CREB5: variants seen among roughly 807,000 people sequenced by gnomAD.
The protein encoded by CREB5 is cyclic AMP-responsive element-binding protein 5.
A neutral mutation model predicts 57.1 loss-of-function variants in CREB5; 19 were observed. That is an observed-to-expected ratio of 0.33 (90% CI 0.23 to 0.49). The LOEUF is 0.49. CREB5 is among the 20% of genes least tolerant of loss of function. The probability of loss-of-function intolerance (pLI) is 0.99; values close to 1 mark genes in which losing one functional copy is unlikely to be tolerated. For synonymous variants in CREB5, 238 were observed against 238.3 expected, an observed-to-expected ratio of 1.00 and a Z score of 0.01; for missense variants, 579 against 671.6, an observed-to-expected ratio of 0.86 and a Z score of 1.52.
intron 4 of CREB5, among the ~76,000 whole-genome samples, chr7:28,532,598 T>C (rs1220857963): frequency 6.6e-6 from 1 of 152,094 alleles, no homozygotes; most frequent in East Asian, 1.9e-4. Flanking sequence ...GTTTTCTTTG[T>C]TTGTTTGTTT....
chr7:28,342,433 G>A (rs1476232084), intron 1 of CREB5, among the ~76,000 whole-genome samples: 1 of 152,108 alleles, frequency 6.6e-6, no homozygotes, highest in African/African-American at 2.4e-5. Flanking sequence ...AAAGTGCAAA[G>A]TTTAAATTAC....
chr7:28,307,717 G>T (rs529122447), intron 1 of CREB5, among the ~76,000 whole-genome samples: 1 of 152,320 alleles, frequency 6.6e-6, no homozygotes, highest in South Asian at 2.1e-4. Context: ...ACATGTATTT[G>T]CTGAGCACAA....
chr7:28,408,143 C>T (rs1322966408), upstream of CREB5, among the ~76,000 whole-genome samples: 1 of 152,126 alleles, frequency 6.6e-6, no homozygotes, highest in African/African-American at 2.4e-5. Flanking sequence ...CAGTGCCACC[C>T]CTTGCTCATC....
intron 5 of CREB5, among the ~76,000 whole-genome samples, chr7:28,578,100 T>A (rs1795972598): frequency 1.3e-5 from 2 of 152,224 alleles, no homozygotes; most frequent in South Asian, 4.1e-4. Flanking sequence ...TTGTGGAAGA[T>A]CTGAAACACA....
At chr7:28,487,515 G>A (rs766477078) in intron 1 of CREB5, among the ~76,000 whole-genome samples, 1 of 152,096 alleles carries the variant, frequency 6.6e-6, no homozygotes, top group Non-Finnish European at 1.5e-5. Flanking sequence ...TATGTTTTTG[G>A]CATTTTTGGA....
intron 7 of CREB5, among the ~76,000 whole-genome samples, chr7:28,781,684 G>A (rs1806981005): frequency 1.3e-5 from 2 of 152,046 alleles, no homozygotes; most frequent in Admixed American, 6.5e-5. Context: ...TAAATCAAGA[G>A]GCTGGACAAG....
chr7:28,569,547 C>G (rs1376911873), intron 4 of CREB5, among the ~76,000 whole-genome samples: 1 of 152,128 alleles, frequency 6.6e-6, no homozygotes, highest in African/African-American at 2.4e-5. Flanking sequence ...CTATAAGTGA[C>G]TCAGACATCT....
At chr7:28,552,706 G>C (rs1794721293) in intron 4 of CREB5, among the ~76,000 whole-genome samples, 1 of 152,162 alleles carries the variant, frequency 6.6e-6, no homozygotes, top group Non-Finnish European at 1.5e-5. Flanking sequence ...CTGGCAGAAA[G>C]GAATTTAAAG....
intron 4 of CREB5, among the ~76,000 whole-genome samples, chr7:28,519,145 A>G (rs952157466): frequency 6.6e-6 from 1 of 152,324 alleles, no homozygotes; most frequent in Middle Eastern, 3.4e-3. Flanking sequence ...CCGTTGTGAC[A>G]TTGCTGCCTG....
At chr7:28,509,942 C>T (rs1216791275) in intron 4 of CREB5, among the ~76,000 whole-genome samples, 1 of 152,150 alleles carries the variant, frequency 6.6e-6, no homozygotes, top group Non-Finnish European at 1.5e-5. Context: ...CTTCTTCTTC[C>T]TTTGCCTCAT....
chr7:28,512,985 T>G (rs1431082273), intron 4 of CREB5, among the ~76,000 whole-genome samples: 2 of 152,212 alleles, frequency 1.3e-5, no homozygotes, highest in African/African-American at 4.8e-5. Context: ...CTTAAGATCT[T>G]GGATCCCAGC....
chr7:28,386,909 G>A (rs1455892419), intron 1 of CREB5, among the ~76,000 whole-genome samples: 3 of 152,052 alleles, frequency 2.0e-5, no homozygotes, highest in Admixed American at 2.0e-4. Context: ...AGATGATCTT[G>A]TTTCTTTTTA....
Position 28,563,913 on chromosome 7 carries a change from A to C in CREB5, c.292-6452A>C, listed in dbSNP as rs1433338046. 3.9e-5 allele frequency among the ~76,000 whole-genome samples: 6 copies of C among 152,044 alleles called. No homozygotes were observed. In the East Asian group the frequency reaches 1.2e-3, roughly 29 times the overall value. On this transcript the variant is annotated intron_variant, in intron 4 of 10. Coordinates refer to ENST00000357727, the MANE Select transcript of CREB5 (RefSeq NM_182898.4). ...CCTCCTCTACTCCATGTGTCCTCTG[A>C]TACCTCACTACCCCCTTGGTCATGG... is the stretch of plus-strand genomic sequence containing the variant.
intron 5 of CREB5, among the ~76,000 whole-genome samples, chr7:28,654,193 C>A (rs1427370177): frequency 6.6e-6 from 1 of 152,164 alleles, no homozygotes; most frequent in African/African-American, 2.4e-5. Flanking sequence ...TACTATAGCA[C>A]ATACTCCCTC....
intron 5 of CREB5, among the ~76,000 whole-genome samples, chr7:28,688,825 G>T (rs771097297): frequency 2.1e-4 from 32 of 152,168 alleles, no homozygotes; most frequent in Non-Finnish European, 3.8e-4. Context: ...CCAAGTGTAT[G>T]CTTGGGACTC....
intron 4 of CREB5, among the ~76,000 whole-genome samples, chr7:28,511,549 A>G (rs1792700985): frequency 6.6e-6 from 1 of 152,172 alleles, no homozygotes. Flanking sequence ...CAGTGGTGCA[A>G]TCTCAGCTCA....
intron 1 of CREB5, among the ~76,000 whole-genome samples, chr7:28,417,977 C>A (rs1406615161): frequency 6.6e-6 from 1 of 152,132 alleles, no homozygotes; most frequent in East Asian, 1.9e-4. Flanking sequence ...TTACATGTAA[C>A]CTCGTAGAAA....
At chr7:28,721,049 A>G (rs1803005540) in intron 6 of CREB5, among the ~76,000 whole-genome samples, 2 of 152,208 alleles carry the variant, frequency 1.3e-5, no homozygotes, top group South Asian at 4.1e-4. Context: ...CTGCATGGTC[A>G]AGAGCTCCCA....
chr7:28,405,664 G>A (rs187087572), intron 1 of CREB5, among the ~76,000 whole-genome samples: 483 of 152,202 alleles, frequency 3.2e-3, no homozygotes, highest in Non-Finnish European at 4.6e-3. Context: ...TTATCCTCCC[G>A]TCTCAGCCTC....
Sources: gnomAD v4.1 joint callset for allele counts (sites outside exome capture counted in the v4.1 genomes callset) on GRCh38, gnomAD v4.1.1 for gene constraint, MANE v1.5 for transcripts, NCBI Gene and HGNC (gene_info 2026-07-23, HGNC 2026-07-21) for gene names.